CCDC171: variants seen among roughly 807,000 people sequenced by gnomAD.
The protein encoded by CCDC171 is coiled-coil domain containing 171, also known as coiled-coil domain-containing protein 171.
Under a neutral mutation model 168.2 loss-of-function variants are expected in CCDC171, and 177 were observed. The observed-to-expected ratio is 1.05, with a 90% confidence interval of 0.93 to 1.19. CCDC171 has a LOEUF of 1.19. CCDC171 is among the 50% of genes most tolerant of loss of function. The pLI, the probability that CCDC171 is intolerant of heterozygous loss-of-function variation, is 0.00. For synonymous variants in CCDC171, 687 were observed against 540.8 expected (o/e 1.27, Z -3.75); for missense variants, 1,991 against 1,539.0 (o/e 1.29, Z -4.91).
At chr9:15,595,192 C>T (rs1270985042) in intron 6 of CCDC171, among the ~76,000 whole-genome samples, 1 of 151,852 alleles carries the variant, frequency 6.6e-6, no homozygotes, top group East Asian at 1.9e-4. Flanking sequence ...TACATGTGCA[C>T]AGCGTGCAGG....
chr9:15,833,295 T>A (rs1049634359), intron 21 of CCDC171, among the ~76,000 whole-genome samples: 1 of 152,100 alleles, frequency 6.6e-6, no homozygotes, highest in Non-Finnish European at 1.5e-5. Flanking sequence ...CCCGGCCTCA[T>A]TATGATCTCA....
chr9:15,884,963 T>C (rs1465309305), intron 24 of CCDC171, among the ~76,000 whole-genome samples: 1 of 152,184 alleles, frequency 6.6e-6, no homozygotes, highest in Non-Finnish European at 1.5e-5. Context: ...AAAAAAATAA[T>C]ATGTTCAACA....
chr9:15,599,004 G>C (rs1377892208), intron 6 of CCDC171, among the ~76,000 whole-genome samples: 1 of 152,072 alleles, frequency 6.6e-6, no homozygotes, highest in African/African-American at 2.4e-5. Context: ...TTGCTTGGTG[G>C]ATCTTCCTCC....
At chr9:15,754,966 A>G (rs749410068) in intron 18 of CCDC171, among the ~76,000 whole-genome samples, 2 of 152,180 alleles carry the variant, frequency 1.3e-5, no homozygotes, top group Non-Finnish European at 2.9e-5. Context: ...TAAATGTTAT[A>G]TGTAGCTATA....
At chr9:15,765,370 A>G (rs868344805) in intron 18 of CCDC171, among the ~76,000 whole-genome samples, 1 of 152,182 alleles carries the variant, frequency 6.6e-6, no homozygotes, top group Non-Finnish European at 1.5e-5. Flanking sequence ...TGAAAGAAAA[A>G]AAAATCTTGA....
At chr9:16,064,144 G>C (rs1374448702), downstream of CCDC171, among the ~76,000 whole-genome samples, 1 of 152,226 alleles carries the variant, frequency 6.6e-6, no homozygotes, top group Non-Finnish European at 1.5e-5. Flanking sequence ...CCCGTTTTCA[G>C]AGTGAGACCC....
intron 6 of CCDC171, among the ~76,000 whole-genome samples, chr9:15,599,517 C>T (rs764930873): frequency 9.9e-5 from 15 of 152,142 alleles, no homozygotes; most frequent in South Asian, 2.1e-4. Context: ...CCGAGAGATC[C>T]GCTGTTAGTC....
intron 6 of CCDC171, among the ~76,000 whole-genome samples, chr9:15,596,495 T>C (rs2042370922): frequency 1.3e-5 from 2 of 152,170 alleles, no homozygotes; most frequent in East Asian, 1.9e-4. Context: ...TTCTGTTCCA[T>C]TGGTCTATAT....
At chr9:16,024,403 C>T (rs1833235303) in intron 6 of CCDC171, among the ~76,000 whole-genome samples, 1 of 152,196 alleles carries the variant, frequency 6.6e-6, no homozygotes, top group Admixed American at 6.5e-5. Context: ...CAACTCCCAA[C>T]ATCTCCTCCT....
intron 1 of CCDC171, among the ~76,000 whole-genome samples, chr9:15,558,533 A>G (rs941824412): frequency 1.3e-5 from 2 of 152,158 alleles, no homozygotes; most frequent in African/African-American, 2.4e-5. Context: ...TGGTGTTCAT[A>G]GTATTCTCTG....
chr9:15,783,610 A>G (rs577147455), intron 20 of CCDC171, among the ~76,000 whole-genome samples: 1 of 152,156 alleles, frequency 6.6e-6, no homozygotes, highest in South Asian at 2.1e-4. Context: ...CCTCTTTTTT[A>G]TACTTCACGA....
In CCDC171 at chr9:15,808,133, G is replaced by A. The variant is rs540941264; in HGVS notation, c.3267+23439G>A. ...TTGATGCCACTTTTTCCTTTGTGAA[G>A]CTGGCAAACTCATATACTCTGAGTG... On this transcript the variant is annotated intron_variant, in intron 21 of 25. Transcript: ENST00000380701. Among the ~76,000 whole-genome samples, 16 of 152,126 alleles carry A rather than the reference G, an allele frequency of 1.1e-4. No individual in the cohort carries two copies. The East Asian group carries it at 2.9e-3, about 28-fold the overall frequency.
At chr9:15,774,062 G>A (rs374516638) in intron 18 of CCDC171, among the ~76,000 whole-genome samples, 8 of 151,832 alleles carry the variant, frequency 5.3e-5, no homozygotes, top group East Asian at 3.9e-4. Context: ...TCTGGTCAAC[G>A]TGGTGAAACC....
At chr9:15,556,625 A>C (rs1214417319) in intron 1 of CCDC171, among the ~76,000 whole-genome samples, 1 of 152,040 alleles carries the variant, frequency 6.6e-6, no homozygotes, top group Admixed American at 6.6e-5. Context: ...AGTTCTTTGT[A>C]GATTCTGGAT....
chr9:16,002,815 C>T (rs1309104637), intron 3 of CCDC171, among the ~76,000 whole-genome samples: 1 of 152,140 alleles, frequency 6.6e-6, no homozygotes, highest in East Asian at 1.9e-4. Context: ...CATGTTTGTA[C>T]TGTACTTTTG....
chr9:15,742,117 G>A (rs2054919780), intron 16 of CCDC171, among the ~76,000 whole-genome samples: 1 of 151,998 alleles, frequency 6.6e-6, no homozygotes, highest in South Asian at 2.1e-4. Context: ...TGATTTTGAA[G>A]AGAATATGGA....
the CCDC171 span, among the ~76,000 whole-genome samples, chr9:16,103,762 A>C: frequency 1.4e-4 from 21 of 152,196 alleles, no homozygotes; most frequent in Non-Finnish European, 2.8e-4. Context: ...TATCAGGATT[A>C]GCCCAGTGAC....
chr9:16,010,450 G>A (rs1832838501), intron 3 of CCDC171, among the ~76,000 whole-genome samples: 3 of 152,100 alleles, frequency 2.0e-5, no homozygotes, highest in Admixed American at 1.3e-4. Flanking sequence ...GCAAGGGCCT[G>A]TGGGGGCAGC....
At chr9:16,023,630 G>A (rs965236958) in intron 6 of CCDC171, among the ~76,000 whole-genome samples, 17 of 152,140 alleles carry the variant, frequency 1.1e-4, no homozygotes, top group Non-Finnish European at 2.4e-4. Flanking sequence ...CTTTCCAACT[G>A]GGAGACTTCC....
Sources: allele counts gnomAD v4.1 joint callset (sites outside exome capture counted in the v4.1 genomes callset), GRCh38; gene constraint gnomAD v4.1.1; transcripts MANE v1.5; gene names NCBI Gene and HGNC (gene_info 2026-07-23, HGNC 2026-07-21).